Variants in USP10 observed in about 807,000 individuals in gnomAD.
USP10 encodes ubiquitin carboxyl-terminal hydrolase 10.
In USP10, 22 loss-of-function variants were observed where a neutral mutation model predicts 84.5. The ratio of observed to expected loss-of-function variants is 0.26; its 90% CI spans 0.19 to 0.37. The LOEUF is 0.37. USP10 is among the 10% of genes least tolerant of loss of function. USP10 has a pLI of 1.00. For synonymous variants in USP10, 454 were observed against 387.6 expected (o/e 1.17, Z -2.01); for missense variants, 1,019 against 998.9 (o/e 1.02, Z -0.27).
intron 1 of USP10, among the ~76,000 whole-genome samples, chr16:84,719,618 T>G (rs1907526357): frequency 6.6e-6 from 1 of 152,224 alleles, no homozygotes; most frequent in Non-Finnish European, 1.5e-5. Context: ...GGTTACCTGC[T>G]TTTATGTGGA....
At chr16:84,774,457 C>G (rs928288940) in intron 12 of USP10, among the ~76,000 whole-genome samples, 2 of 151,508 alleles carry the variant, frequency 1.3e-5, no homozygotes, top group African/African-American at 4.9e-5. Flanking sequence ...TGTTCTGTAA[C>G]TGAAGTTTTG....
intron 1 of USP10, chr16:84,704,638 T>G: frequency 7.2e-7 from 1 of 1,395,010 alleles, no homozygotes; most frequent in East Asian, 2.5e-5. Flanking sequence ...GTATAGTATT[T>G]GTTTCAAGGA....
chr16:84,749,574 TAA>T (rs35825970), intron 4 of USP10, among the ~76,000 whole-genome samples: 2 of 146,682 alleles, frequency 1.4e-5, no homozygotes, highest in East Asian at 2.0e-4. Context: ...ACCCCATCTT[TAA>T]AAAAAAAAAA....
chr16:84,719,887 G>T (rs1175323674), intron 1 of USP10, among the ~76,000 whole-genome samples: 2 of 152,258 alleles, frequency 1.3e-5, no homozygotes, highest in Non-Finnish European at 2.9e-5. Context: ...AACTGAGACA[G>T]CAAACAGTGG....
intron 1 of USP10, among the ~76,000 whole-genome samples, chr16:84,720,989 A>G (rs981672986): frequency 2.7e-5 from 4 of 145,888 alleles, no homozygotes; most frequent in African/African-American, 1.0e-4. Context: ...CGCCTGCCGT[A>G]TTCAAGCTAT....
chr16:84,709,564 G>A (rs1906005395), intron 1 of USP10, among the ~76,000 whole-genome samples: 1 of 152,076 alleles, frequency 6.6e-6, no homozygotes, highest in Non-Finnish European at 1.5e-5. Context: ...ATAGACTCAC[G>A]GGGTCGCAGT....
chr16:84,708,216 G>A lies in USP10; in HGVS notation c.21+8105G>A, dbSNP rs111767783. 1.5e-3 allele frequency among the ~76,000 whole-genome samples: 221 copies of A among 152,284 alleles called. 2 individuals carry two copies. The highest frequency in any genetic ancestry group is 3.4e-3 in the African/African-American group (143 of 41,568). ...TGTAATCCCAGCACTTTGGGAGGTC[G>A]AGGTGGGTGGATCACCTGAGGTCAG... On this transcript the variant is annotated intron_variant, in intron 1 of 13. Transcript: ENST00000219473.
intron 2 of USP10, among the ~76,000 whole-genome samples, chr16:84,734,803 T>G (rs1296251467): frequency 6.6e-6 from 1 of 152,226 alleles, no homozygotes; most frequent in South Asian, 2.1e-4. Context: ...TAAGCTGAAA[T>G]TGAGGCACTG....
chr16:84,745,951 C>A (rs1432057755), intron 4 of USP10, among the ~76,000 whole-genome samples: 2 of 152,174 alleles, frequency 1.3e-5, no homozygotes, highest in Non-Finnish European at 2.9e-5. Flanking sequence ...GCCTTTTGTT[C>A]AAGTAATTCT....
intron 2 of USP10, among the ~76,000 whole-genome samples, chr16:84,735,196 G>GGTGT (rs34240400): frequency 0.013 from 1,916 of 146,282 alleles, 27 homozygotes; most frequent in Non-Finnish European, 0.019. Flanking sequence ...AGGCCCGGGT[G>GGTGT]GTGTGTGTGT....
At chr16:84,704,512 G>A (rs190862569) in intron 1 of USP10, among the ~76,000 whole-genome samples, 1 of 152,328 alleles carries the variant, frequency 6.6e-6, no homozygotes, top group Admixed American at 6.5e-5. Flanking sequence ...TGCTTGGACT[G>A]CAGTTTTCCT....
At chr16:84,760,312 T>C (rs373119092) in intron 8 of USP10, 37 bp downstream of exon 8, 118 of 1,539,396 alleles carry the variant, frequency 7.7e-5, no homozygotes, top group Middle Eastern at 1.7e-4. Context: ...TATCAAGTGT[T>C]GCCTTTTGTT....
intron 1 of USP10, among the ~76,000 whole-genome samples, chr16:84,705,022 C>G (rs2150752409): frequency 6.6e-6 from 1 of 152,322 alleles, no homozygotes; most frequent in African/African-American, 2.4e-5. Flanking sequence ...TCCTAAGAGT[C>G]CTCAGTCTCC....
chr16:84,714,473 C>T (rs920697733), intron 1 of USP10, among the ~76,000 whole-genome samples: 5 of 152,062 alleles, frequency 3.3e-5, no homozygotes, highest in South Asian at 2.1e-4. Flanking sequence ...CGTGCGCCAC[C>T]GTGCACGGCT....
intron 2 of USP10, among the ~76,000 whole-genome samples, chr16:84,733,927 C>G (rs1462069541): frequency 1.3e-5 from 2 of 152,194 alleles, no homozygotes; most frequent in African/African-American, 4.8e-5. Flanking sequence ...TTATTTTAAG[C>G]TAACGTTGTA....
intron 1 of USP10, among the ~76,000 whole-genome samples, chr16:84,730,973 T>A (rs915306880): frequency 2.6e-4 from 37 of 142,622 alleles, no homozygotes; most frequent in Non-Finnish European, 6.1e-5. Context: ...ATAGCATTTC[T>A]ACCTTTTTTT....
chr16:84,735,155 T>C (rs1359597423), intron 2 of USP10, among the ~76,000 whole-genome samples: 1 of 151,588 alleles, frequency 6.6e-6, no homozygotes, highest in Non-Finnish European at 1.5e-5. Flanking sequence ...CTTCAGCCCC[T>C]GAATAGCTGG....
chr16:84,764,005 T>G, intron 9 of USP10, 81 bp from the exon 10 acceptor site: 1 of 1,463,486 alleles, frequency 6.8e-7, no homozygotes, highest in South Asian at 1.4e-5. Context: ...TTTTTAAAAC[T>G]GCAATCGACA....
At chr16:84,713,819 T>C (rs553727400) in intron 1 of USP10, among the ~76,000 whole-genome samples, 1 of 152,204 alleles carries the variant, frequency 6.6e-6, no homozygotes, top group African/African-American at 2.4e-5. Context: ...GGAACTGAGT[T>C]CTATAGTTTG....
Sources: gnomAD v4.1 joint callset for allele counts (sites outside exome capture counted in the v4.1 genomes callset) on GRCh38, gnomAD v4.1.1 for gene constraint, MANE v1.5 for transcripts, NCBI Gene and HGNC (gene_info 2026-07-23, HGNC 2026-07-21) for gene names.